KMT5C: variants seen among roughly 807,000 people sequenced by gnomAD.
KMT5C encodes the protein lysine methyltransferase 5C, also known as histone-lysine N-methyltransferase KMT5C.
Under a neutral mutation model 38.2 loss-of-function variants are expected in KMT5C, and 16 were observed. The observed-to-expected ratio is 0.42, with a 90% CI of 0.28 to 0.64. The LOEUF (loss-of-function observed/expected upper bound fraction) is 0.64. Ranked by LOEUF, KMT5C falls within the 30% of genes least tolerant of loss-of-function variation. KMT5C has a pLI of 0.23. For synonymous variants in KMT5C, 291 were observed against 279.0 expected, an observed-to-expected ratio of 1.04 and a Z score of -0.43; for missense variants, 598 against 665.1, an observed-to-expected ratio of 0.90 and a Z score of 1.11.
At chr19:55,344,793 A>G (rs1183682910) in intron 6 of KMT5C, 1 of 523,896 alleles carries the variant, frequency 1.9e-6, no homozygotes, top group Non-Finnish European at 3.9e-6. Flanking sequence ...GGTTGGCTCC[A>G]GGGCGGCATT....
chr19:55,346,056 GGCAAGGCA>G, intron 6 of KMT5C, 149 bp from the exon 7 acceptor site: 1 of 808,378 alleles, frequency 1.2e-6, no homozygotes, highest in South Asian at 1.7e-5. Flanking sequence ...ACAGGCCCTC[GGCAAGGCA>G]GCCGCCTCGG....
intron 1 of KMT5C, 153 bp from the exon 2 acceptor site, chr19:55,341,641 G>C (rs924082097): frequency 1.3e-5 from 6 of 456,942 alleles, no homozygotes; most frequent in African/African-American, 1.0e-4. Flanking sequence ...GTGTGTTTAG[G>C]GGGGATCTGT....
At position 55,347,548 on chromosome 19, in the gene KMT5C, A is replaced by G; in HGVS notation, c.*99A>G. On this transcript the variant is annotated 3_prime_UTR_variant, in exon 9 of 9. Coordinates refer to ENST00000255613, the MANE Select transcript of KMT5C (RefSeq NM_032701.4). The surrounding 1 kb of genome is among the most constrained non-coding windows in gnomAD (Gnocchi z 4.6). ...CCCTTGGACCTCTGGGAGGGAGCTG[A>G]CCCTTGACTCCAGCATAGCTCTGAC... 2 of 1,443,040 alleles carry G rather than the reference A, an allele frequency of 1.4e-6. No homozygotes were observed. Among genetic ancestry groups the G allele is most frequent in the South Asian group, 2.9e-5 (2 of 68,108 alleles). 89.4% of individuals were successfully genotyped at this position (1,443,040 alleles called of 1,614,324 possible).
At chr19:55,344,766 G>A (rs1338615713) in intron 6 of KMT5C, 1 of 528,470 alleles carries the variant, frequency 1.9e-6, no homozygotes, top group Non-Finnish European at 3.9e-6. Flanking sequence ...TAGCCCGGAA[G>A]CAGAAGGAAT....
chr19:55,341,870 C>T lies in KMT5C; in HGVS notation c.-67C>T, dbSNP rs1269631721. The T allele has an allele frequency of 2.5e-5, 32 of 1,282,438 alleles. No individual in the cohort carries two copies. Among genetic ancestry groups the T allele is most frequent in the Non-Finnish European group, 3.4e-5 (30 of 883,152 alleles). The allele number at this position is 1,282,438 out of a possible 1,614,324, so 79.4% of individuals were successfully genotyped here. A position where few individuals can be genotyped will look rare whatever the true frequency, so the allele number is the denominator to read the frequency against. On this transcript the variant is annotated 5_prime_UTR_variant, in exon 2 of 9. Coordinates refer to ENST00000255613, the MANE Select transcript of KMT5C (RefSeq NM_032701.4). ...AGTGGAGTCAGCACCAAGCCAGGCT[C>T]CCCGCGCCTGCCTTGCCCTCACCTG...
chr19:55,340,687 G>T (rs1348674940), intron 1 of KMT5C, among the ~76,000 whole-genome samples: 1 of 151,400 alleles, frequency 6.6e-6, no homozygotes, highest in South Asian at 2.1e-4. Context: ...GATCTTCTCC[G>T]CCATCCCTGG....
Position 55,346,688 on chromosome 19 carries a change from G to A in KMT5C, c.895+1G>A. On this transcript the variant is annotated splice_donor_variant, in intron 8 of 8. Coordinates refer to ENST00000255613, the MANE Select transcript of KMT5C (RefSeq NM_032701.4). LOFTEE classifies it high-confidence loss of function. ...CCGCTGCGCCGGGACCCATTCTGCG[G>A]TGAGCACCCCTCCCTGCCATCCCAG... The A allele has an allele frequency of 1.3e-6, 2 of 1,554,094 alleles. No individual in the cohort carries two copies. The highest frequency in any genetic ancestry group is 1.7e-6 in the Non-Finnish European group (2 of 1,149,618).
chr19:55,346,138 C>T, intron 6 of KMT5C, 75 bp from the exon 7 acceptor site: 1 of 1,578,724 alleles, frequency 6.3e-7, no homozygotes, highest in Non-Finnish European at 8.6e-7. Flanking sequence ...GGCCAGGGTG[C>T]CCGGCCAGGT....
Position 55,346,690 on chromosome 19 carries a change from G to T in KMT5C, c.895+3G>T. 1 of 1,551,292 alleles carries T rather than the reference G, an allele frequency of 6.4e-7. No homozygotes were observed. ...GCTGCGCCGGGACCCATTCTGCGGTGAGCACCCCTCCCTGCCATCCCAGCA... is the reference window on the plus strand; with the variant it reads ...GCTGCGCCGGGACCCATTCTGCGGTTAGCACCCCTCCCTGCCATCCCAGCA... On this transcript the variant is annotated splice_donor_region_variant and intron_variant, in intron 8 of 8. Coordinates refer to ENST00000255613, the MANE Select transcript of KMT5C (RefSeq NM_032701.4).
chr19:55,340,795 A>G (rs1223671611), intron 1 of KMT5C, among the ~76,000 whole-genome samples: 1 of 91,900 alleles, frequency 1.1e-5, no homozygotes, highest in Non-Finnish European at 2.3e-5. Context: ...CCTTCCTCAC[A>G]CCCCTCTGAG....
At position 55,347,249 on chromosome 19, in the gene KMT5C, G is replaced by A. The variant is rs1313111237; in HGVS notation, c.1189G>A (p.Gly397Arg). Residue 397 changes from glycine to arginine, a missense_variant, in exon 9 of 9, where the codon GGG (glycine) becomes AGG (arginine). By Grantham distance (125) the Gly-to-Arg change is moderately radical. Coordinates refer to ENST00000255613, the MANE Select transcript of KMT5C (RefSeq NM_032701.4). This position sits in a 1 kb window ranked among gnomAD's most constrained non-coding sequence, Gnocchi z 4.6. ...GGACTGGCACTGGGCCCGGCGCTAT[G>A]GGCTGCCTTACGTGGTGCGTGTGGA... ...QQDWHWARRY[G>R]LPYVVRVDLR... 4 of 1,547,928 alleles carry A rather than the reference G, an allele frequency of 2.6e-6. No homozygotes were observed. Among genetic ancestry groups the A allele is most frequent in the Non-Finnish European group, 3.5e-6 (4 of 1,149,324 alleles).
At position 55,347,439 on chromosome 19, in the gene KMT5C, A is replaced by G. The variant is rs2123205211; in HGVS notation, c.1379A>G (p.Glu460Gly). The G allele has an allele frequency of 6.5e-7, 1 of 1,541,178 alleles. No individual in the cohort carries two copies. The highest frequency in any genetic ancestry group is 8.7e-7 in the Non-Finnish European group (1 of 1,150,162). ...HGSIDLDVGG[E>G]EL is the part of the protein sequence containing the mutation. ...TCCATCGACCTGGATGTCGGCGGTG[A>G]AGAGCTGTGACAGGCCGGACGGGGA... The change falls in exon 9 of 9, where the codon GAA becomes GGA. Residue 460 changes from glutamate to glycine, a missense_variant. Glu to Gly is a moderately conservative substitution (Grantham distance 98). Around this residue, in one of 3 missense-constraint regions of KMT5C, gnomAD observed 326 missense variants for 298.1 expected, o/e 1.09. Coordinates refer to ENST00000255613, the MANE Select transcript of KMT5C (RefSeq NM_032701.4). The surrounding 1 kb of genome is among the most constrained non-coding windows in gnomAD (Gnocchi z 4.6).
At position 55,346,572 on chromosome 19, in the gene KMT5C, G is replaced by C; in HGVS notation, c.780G>C (p.Gln260His). The C allele has an allele frequency of 6.3e-7, 1 of 1,591,024 alleles. No individual in the cohort carries two copies. The highest frequency in any genetic ancestry group is 8.6e-7 in the Non-Finnish European group (1 of 1,169,396). Residue 260 changes from glutamine to histidine, a missense_variant, in exon 8 of 9, where the codon CAG becomes CAC. Gln to His is a conservative substitution (Grantham distance 24). Around this residue, in one of 3 missense-constraint regions of KMT5C, gnomAD observed 105 missense variants for 179.2 expected, o/e 0.59. Coordinates refer to ENST00000255613, the MANE Select transcript of KMT5C (RefSeq NM_032701.4). The stretch of plus-strand genomic sequence containing the variant: ...CACCACGGCCCCTGGACAAGTACCA[G>C]CTGCGTGAGACCAAGCGGCGGCTGC... ...ALPPRPLDKY[Q>H]LRETKRRLQQ... is the part of the protein sequence containing the mutation.
At chr19:55,344,168 A>G (rs373612255) in intron 6 of KMT5C, 171 bp downstream of exon 6, 1 of 639,490 alleles carries the variant, frequency 1.6e-6, no homozygotes. Context: ...AGGTCAGGAG[A>G]TGGAGACCAC....
intron 6 of KMT5C, chr19:55,345,015 C>T (rs981495198): frequency 6.6e-6 from 3 of 456,618 alleles, no homozygotes; most frequent in Admixed American, 2.4e-5. Context: ...ACAGCGAATG[C>T]GTGGCCCTGG....
Position 55,347,762 on chromosome 19 carries a change from C to G in KMT5C, c.*313C>G, listed in dbSNP as rs925203449. 3.8e-5 allele frequency: 15 copies of G among 396,924 alleles called. No individual in the cohort carries two copies. Among genetic ancestry groups the G allele is most frequent in the Non-Finnish European group, 6.3e-5 (14 of 223,276 alleles). 24.6% of individuals were successfully genotyped at this position (396,924 alleles called of 1,614,324 possible). A position where few individuals can be genotyped will look rare whatever the true frequency, so the allele number is the denominator to read the frequency against. ...GCCCCTTCCTCCCCAGGGAGCAAAG[C>G]CATAAGGGGCAGGGGCCACCCCACG... On this transcript the variant is annotated 3_prime_UTR_variant, in exon 9 of 9. Coordinates refer to ENST00000255613, the MANE Select transcript of KMT5C (RefSeq NM_032701.4). This position sits in a 1 kb window ranked among gnomAD's most constrained non-coding sequence, Gnocchi z 4.6.
chr19:55,345,146 G>T, intron 6 of KMT5C: 1 of 438,248 alleles, frequency 2.3e-6, no homozygotes, highest in Non-Finnish European at 4.6e-6. Flanking sequence ...GCTCTCCAGC[G>T]ATCTAGAACC....
At position 55,346,609 on chromosome 19, in the gene KMT5C, G is replaced by A; in HGVS notation, c.817G>A (p.Asp273Asn). The A allele has an allele frequency of 6.4e-7, 1 of 1,573,918 alleles. No individual in the cohort carries two copies. Among genetic ancestry groups the A allele is most frequent in the South Asian group, 1.2e-5 (1 of 85,928 alleles). ...CAAGCGGCGGCTGCAGCAAGGCCTG[G>A]ACAGTGGCAGCCGACAGGGCCTGCT... The part of the protein sequence containing the change: ...ETKRRLQQGL[D>N]SGSRQGLLGP... Residue 273 changes from aspartate (D) to asparagine (N), a missense_variant, in exon 8 of 9, where the codon GAC (aspartate) becomes AAC (asparagine). By Grantham distance (23) the Asp-to-Asn change is conservative. Around this residue, in one of 3 missense-constraint regions of KMT5C, gnomAD observed 326 missense variants for 298.1 expected, o/e 1.09. Transcript: ENST00000255613.
intron 6 of KMT5C, 79 bp downstream of exon 6, chr19:55,344,076 G>A: frequency 1.3e-6 from 2 of 1,516,908 alleles, no homozygotes; most frequent in Admixed American, 1.9e-5. Flanking sequence ...TTTTTGGTCA[G>A]TAAAGAGCCA....
Sources: gnomAD v4.1 joint callset for allele counts (sites outside exome capture counted in the v4.1 genomes callset) on GRCh38, gnomAD v4.1.1 for gene constraint, gnomAD v4.1.1 regional missense constraint, Gnocchi (gnomAD v3.1) non-coding constraint, MANE v1.5 for transcripts, NCBI Gene and HGNC (gene_info 2026-07-23, HGNC 2026-07-21) for gene names.